SPOCK3: variants seen among roughly 807,000 people sequenced by gnomAD.
The protein encoded by SPOCK3 is SPARC (osteonectin), cwcv and kazal like domains proteoglycan 3, also known as testican-3.
In SPOCK3, 30 loss-of-function variants were observed where a neutral mutation model predicts 56.6. That is an observed-to-expected ratio of 0.53 (90% CI 0.40 to 0.72). SPOCK3 has a LOEUF of 0.72. SPOCK3 is among the 30% of genes least tolerant of loss of function. The pLI, the probability that SPOCK3 is intolerant of heterozygous loss-of-function variation, is 0.00. For missense variants in SPOCK3, 527 were observed against 530.0 expected (o/e 0.99, Z 0.06); for synonymous variants, 196 against 183.3 (o/e 1.07, Z -0.56).
At position 166,870,257 on chromosome 4, in the gene SPOCK3, G is replaced by T. The variant is rs1219442961; in HGVS notation, c.589+18873C>A. On this transcript the variant is annotated intron_variant, in intron 6 of 10. Coordinates refer to ENST00000357545, the MANE Select transcript of SPOCK3 (RefSeq NM_001040159.2). ...ACCAAAGCTATCAAAGTAATAAGTT[G>T]ATAGTGGCACTATTATAGTTGAAGA... is the stretch of plus-strand genomic sequence containing the variant. 2.6e-5 allele frequency among the ~76,000 whole-genome samples: 4 copies of T among 152,146 alleles called. No individual in the cohort carries two copies. The East Asian group carries it at 7.8e-4, about 30-fold the overall frequency.
chr4:167,172,408 G>A (rs1580511199), intron 2 of SPOCK3, among the ~76,000 whole-genome samples: 1 of 152,066 alleles, frequency 6.6e-6, no homozygotes, highest in African/African-American at 2.4e-5. Flanking sequence ...TTCTAAAACA[G>A]CACATAATGA....
At chr4:167,208,638 GCA>G (rs1734576991) in intron 2 of SPOCK3, among the ~76,000 whole-genome samples, 1 of 151,758 alleles carries the variant, frequency 6.6e-6, no homozygotes. Context: ...GTTGAACTAA[GCA>G]CATTTTTGAT....
intron 4 of SPOCK3, among the ~76,000 whole-genome samples, chr4:166,966,477 T>C (rs548737643): frequency 6.6e-6 from 1 of 152,312 alleles, no homozygotes; most frequent in Non-Finnish European, 1.5e-5. Flanking sequence ...AATGTTTTTA[T>C]GCGTCCTTCT....
rs1415655005 is a variant in SPOCK3, at chr4:166,767,788, G to A, written c.710-13059C>T. Among the ~76,000 whole-genome samples, 4 of 152,238 alleles carry A rather than the reference G, an allele frequency of 2.6e-5. No individual in the cohort carries two copies. In the East Asian group the frequency reaches 5.8e-4, roughly 22 times the overall value. ...TGATCTGTCTAATGTTGACAGTAGGGTGTTAAAGTCTTCCATTATTATTGT... is the reference window on the plus strand; with the variant it reads ...TGATCTGTCTAATGTTGACAGTAGGATGTTAAAGTCTTCCATTATTATTGT... On this transcript the variant is annotated intron_variant, in intron 7 of 10. Coordinates refer to ENST00000357545, the MANE Select transcript of SPOCK3 (RefSeq NM_001040159.2).
At chr4:166,737,359 T>A in intron 10 of SPOCK3, 108 bp downstream of exon 10, 1 of 1,219,294 alleles carries the variant, frequency 8.2e-7, no homozygotes, top group East Asian at 2.4e-5. Context: ...TATTCTACAG[T>A]CTTTGCATAG....
intron 4 of SPOCK3, among the ~76,000 whole-genome samples, chr4:166,937,934 C>CTT (rs548107592): frequency 0.52 from 68,439 of 131,208 alleles, 19,810 homozygotes; most frequent in East Asian, 0.77. Flanking sequence ...CGGCTAATCT[C>CTT]TTTTTTTTTT....
intron 2 of SPOCK3, among the ~76,000 whole-genome samples, chr4:167,133,828 A>G (rs1206012443): frequency 6.6e-6 from 1 of 152,050 alleles, no homozygotes; most frequent in Non-Finnish European, 1.5e-5. Context: ...AAAATTTTCT[A>G]TCTCTGTTTA....
intron 2 of SPOCK3, among the ~76,000 whole-genome samples, chr4:167,065,223 T>C (rs1323610354): frequency 6.6e-6 from 1 of 151,594 alleles, no homozygotes; most frequent in Non-Finnish European, 1.5e-5. Context: ...AGTGAGTCCA[T>C]TCATGTAAAC....
intron 6 of SPOCK3, among the ~76,000 whole-genome samples, chr4:166,879,111 A>T (rs1733422409): frequency 6.6e-6 from 1 of 152,312 alleles, no homozygotes; most frequent in Non-Finnish European, 1.5e-5. Flanking sequence ...ATTAAAAAAA[A>T]TATATATGCA....
Position 166,737,564 on chromosome 4 carries a change from C to T in SPOCK3, c.1035G>A (p.Lys345=), listed in dbSNP as rs754775424. ...IPLCDEDGYY[K]PTQCHGSVGQ... ...CAACACTGCCATGACATTGTGTTGG[C>T]TTGTAGTAACCATCTTCATCACACA... The change falls in exon 10 of 11, where the codon AAG becomes AAA. Residue 345 remains lysine, a synonymous_variant. Transcript: ENST00000357545. 1.9e-6 allele frequency: 3 copies of T among 1,612,918 alleles called. No individual in the cohort carries two copies. The East Asian group carries it at 6.7e-5, about 36-fold the overall frequency.
At chr4:166,974,540 T>C (rs1205285264) in intron 4 of SPOCK3, among the ~76,000 whole-genome samples, 1 of 152,118 alleles carries the variant, frequency 6.6e-6, no homozygotes, top group African/African-American at 2.4e-5. Context: ...GTATCTACCA[T>C]TTCTCTCTTT....
At chr4:166,890,699 G>A (rs1734677748) in intron 5 of SPOCK3, among the ~76,000 whole-genome samples, 2 of 151,990 alleles carry the variant, frequency 1.3e-5, no homozygotes, top group Admixed American at 6.6e-5. Flanking sequence ...TTTAGAAAAA[G>A]TGTGATGTGT....
chr4:167,055,905 T>G (rs1328795020), intron 3 of SPOCK3, among the ~76,000 whole-genome samples: 1 of 152,108 alleles, frequency 6.6e-6, no homozygotes, highest in African/African-American at 2.4e-5. Flanking sequence ...AGCACTAACC[T>G]CTGCAGACTT....
At chr4:166,976,022 T>C (rs978453192) in intron 4 of SPOCK3, among the ~76,000 whole-genome samples, 4 of 152,092 alleles carry the variant, frequency 2.6e-5, no homozygotes, top group African/African-American at 7.2e-5. Context: ...CTTCTGGGTA[T>C]ATATCTAGCA....
intron 6 of SPOCK3, among the ~76,000 whole-genome samples, chr4:166,882,547 G>A (rs1046635046): frequency 2.6e-5 from 4 of 152,132 alleles, no homozygotes; most frequent in African/African-American, 9.7e-5. Context: ...TTATGTATTG[G>A]AAAGGAGTTA....
chr4:166,938,494 G>A (rs1740698345), intron 4 of SPOCK3, among the ~76,000 whole-genome samples: 1 of 152,076 alleles, frequency 6.6e-6, no homozygotes, highest in Non-Finnish European at 1.5e-5. Flanking sequence ...GTAGGTAATT[G>A]CAAACTTATA....
At chr4:167,226,115 C>A (rs1367558543) in intron 2 of SPOCK3, among the ~76,000 whole-genome samples, 1 of 152,154 alleles carries the variant, frequency 6.6e-6, no homozygotes, top group Non-Finnish European at 1.5e-5. Context: ...ATTCCTATGA[C>A]CAAAGCTCTA....
chr4:167,206,160 G>C (rs890691420), intron 2 of SPOCK3, among the ~76,000 whole-genome samples: 5 of 151,584 alleles, frequency 3.3e-5, no homozygotes, highest in Non-Finnish European at 5.9e-5. Flanking sequence ...TCCATCTCTA[G>C]TAAAAATACA....
intron 2 of SPOCK3, among the ~76,000 whole-genome samples, chr4:167,118,765 T>G (rs879354717): frequency 1.1e-4 from 16 of 152,214 alleles, no homozygotes; most frequent in Non-Finnish European, 2.1e-4. Flanking sequence ...AAACTTGGCA[T>G]TTGTTGATCA....
Sources: gnomAD v4.1 joint callset for allele counts (sites outside exome capture counted in the v4.1 genomes callset) on GRCh38, gnomAD v4.1.1 for gene constraint, MANE v1.5 for transcripts, NCBI Gene and HGNC (gene_info 2026-07-23, HGNC 2026-07-21) for gene names.